The following RARB variants were observed in gnomAD, a reference collection of about 807,000 sequenced individuals.
RARB encodes retinoic acid receptor beta.
A neutral mutation model predicts 51.9 loss-of-function variants in RARB; 17 were observed. The ratio of observed to expected loss-of-function variants is 0.33; its 90% CI spans 0.22 to 0.49. The LOEUF is 0.49. RARB is among the 20% of genes least tolerant of loss of function. RARB has a pLI of 0.99. For missense variants in RARB, 369 were observed against 550.8 expected (o/e 0.67, Z 3.30); for synonymous variants, 215 against 195.4 (o/e 1.10, Z -0.84).
chr3:24,929,139 A>T (rs1695388764), intron 2 of RARB, among the ~76,000 whole-genome samples: 1 of 152,208 alleles, frequency 6.6e-6, no homozygotes, highest in South Asian at 2.1e-4. Flanking sequence ...CATTATTTGA[A>T]AATAATATAT....
At chr3:25,067,121 G>C (rs1369117758) in intron 3 of RARB, among the ~76,000 whole-genome samples, 2 of 152,176 alleles carry the variant, frequency 1.3e-5, no homozygotes, top group African/African-American at 2.4e-5. Context: ...CCAGAAAAGG[G>C]TATGGCTGAT....
chr3:25,301,144 T>C (rs1175370479), intron 5 of RARB, among the ~76,000 whole-genome samples: 1 of 152,252 alleles, frequency 6.6e-6, no homozygotes, highest in Non-Finnish European at 1.5e-5. Flanking sequence ...GATGGGGTTA[T>C]CAGGGTATTA....
At chr3:25,105,952 G>A (rs78803694) in intron 3 of RARB, among the ~76,000 whole-genome samples, 4,503 of 152,198 alleles carry the variant, frequency 0.03, 208 homozygotes, top group African/African-American at 0.1. Context: ...TGCACAGTAC[G>A]ATTTGGTAGT....
At chr3:25,176,284 A>T (rs1287242747) in intron 5 of RARB, among the ~76,000 whole-genome samples, 1 of 109,618 alleles carries the variant, frequency 9.1e-6, no homozygotes, top group Non-Finnish European at 2.0e-5. Flanking sequence ...ATTTTTATTT[A>T]TATTTATCTT....
intron 2 of RARB, among the ~76,000 whole-genome samples, chr3:24,927,281 A>G (rs1695339822): frequency 1.3e-5 from 2 of 152,162 alleles, no homozygotes; most frequent in Non-Finnish European, 2.9e-5. Flanking sequence ...ATTTATCTTT[A>G]TATAGGAATG....
chr3:25,383,682 C>A (rs868177495), intron 5 of RARB, among the ~76,000 whole-genome samples: 2 of 152,148 alleles, frequency 1.3e-5, no homozygotes, highest in Non-Finnish European at 2.9e-5. Flanking sequence ...AATCCCAGCA[C>A]TTTGGGAGGC....
intron 5 of RARB, among the ~76,000 whole-genome samples, chr3:25,315,301 T>C (rs1347526841): frequency 2.6e-5 from 4 of 152,286 alleles, no homozygotes; most frequent in African/African-American, 9.6e-5. Context: ...AGGGGCTTAC[T>C]TGAGAAGTAT....
In RARB at chr3:25,239,567, C is replaced by T. The variant is rs1575246349; in HGVS notation, c.178+64992C>T. Among the ~76,000 whole-genome samples the T allele has an allele frequency of 2.0e-5, 3 of 152,198 alleles. No individual in the cohort carries two copies. The East Asian group carries it at 5.8e-4, about 29-fold the overall frequency. On this transcript the variant is annotated intron_variant, in intron 5 of 11. Transcript: ENST00000383772. Reference sequence around the variant, plus strand: ...ATTTATTGAAGAGGATGTCCTTTTCCCAGTATAGGTTCTTGACCTCTTTGT... The same window carrying T: ...ATTTATTGAAGAGGATGTCCTTTTCTCAGTATAGGTTCTTGACCTCTTTGT...
chr3:25,254,740 CA>C (rs1362469202), intron 5 of RARB, among the ~76,000 whole-genome samples: 2 of 151,870 alleles, frequency 1.3e-5, no homozygotes, highest in Non-Finnish European at 2.9e-5. Context: ...AAACTGGGTC[CA>C]AAGGGGGAGA....
chr3:25,542,809 C>G (rs1405976090), intron 3 of RARB, among the ~76,000 whole-genome samples: 5 of 152,150 alleles, frequency 3.3e-5, no homozygotes, highest in African/African-American at 4.8e-5. Context: ...AGGGCCCTCC[C>G]AAGTCCTTAC....
intron 4 of RARB, among the ~76,000 whole-genome samples, chr3:25,166,351 G>C (rs1700561282): frequency 6.6e-6 from 1 of 152,124 alleles, no homozygotes; most frequent in Non-Finnish European, 1.5e-5. Context: ...CAGGATTTGT[G>C]CTGAGCCTGG....
intron 5 of RARB, among the ~76,000 whole-genome samples, chr3:25,309,848 T>C (rs911759451): frequency 2.6e-5 from 4 of 152,168 alleles, no homozygotes; most frequent in African/African-American, 9.6e-5. Context: ...AATTCTCTTT[T>C]ACATTACCCC....
intron 5 of RARB, among the ~76,000 whole-genome samples, chr3:25,265,365 C>CA (rs1703100302): frequency 6.6e-6 from 1 of 152,124 alleles, no homozygotes; most frequent in Non-Finnish European, 1.5e-5. Flanking sequence ...AATTGCCCTC[C>CA]AAAAATATTT....
chr3:24,991,123 T>C (rs7639453), intron 2 of RARB, among the ~76,000 whole-genome samples: 75,272 of 152,104 alleles, frequency 0.49, 19,158 homozygotes, highest in Admixed American at 0.6. Context: ...TTTTGAATTT[T>C]CTAAATAGAT....
At chr3:25,155,480 C>T (rs1700359006) in intron 4 of RARB, among the ~76,000 whole-genome samples, 1 of 152,154 alleles carries the variant, frequency 6.6e-6, no homozygotes, top group African/African-American at 2.4e-5. Flanking sequence ...AATAAACTAT[C>T]CGTTTATGAA....
chr3:25,567,486 C>G (rs1421359697), intron 3 of RARB, among the ~76,000 whole-genome samples: 1 of 152,138 alleles, frequency 6.6e-6, no homozygotes, highest in African/African-American at 2.4e-5. Flanking sequence ...TAATTCATTC[C>G]TTTCTATGAC....
intron 2 of RARB, among the ~76,000 whole-genome samples, chr3:25,029,673 G>C (rs1697827955): frequency 2.0e-5 from 3 of 152,128 alleles, no homozygotes; most frequent in Admixed American, 2.0e-4. Flanking sequence ...TAGCACTCCA[G>C]GATACCTTGT....
At chr3:25,486,966 C>CTA (rs1696505316) in intron 2 of RARB, among the ~76,000 whole-genome samples, 1 of 152,030 alleles carries the variant, frequency 6.6e-6, no homozygotes, top group African/African-American at 2.4e-5. Flanking sequence ...TCAAGTATAC[C>CTA]TATGATGACC....
chr3:25,343,178 T>G (rs1166219467), intron 5 of RARB, among the ~76,000 whole-genome samples: 1 of 152,028 alleles, frequency 6.6e-6, no homozygotes, highest in Non-Finnish European at 1.5e-5. Context: ...CAAACTCTTG[T>G]GGATACAGGT....
Sources: allele counts gnomAD v4.1 joint callset (sites outside exome capture counted in the v4.1 genomes callset), GRCh38; gene constraint gnomAD v4.1.1; transcripts MANE v1.5; gene names NCBI Gene and HGNC (gene_info 2026-07-23, HGNC 2026-07-21).